Variants in LAMC3 observed in about 807,000 individuals in gnomAD.
The protein encoded by LAMC3 is laminin subunit gamma-3.
LAMC3 carries 128 observed loss-of-function variants against 173.8 expected under a neutral mutation model. The observed-to-expected ratio is 0.74, with a 90% CI of 0.64 to 0.85. LAMC3 has a LOEUF of 0.85. Among genes scored for constraint, LAMC3 ranks in the 40% least tolerant of loss-of-function variants. LAMC3 has a pLI of 0.00. For missense variants in LAMC3, 2,022 were observed against 2,156.0 expected, an observed-to-expected ratio of 0.94 and a Z score of 1.23; for synonymous variants, 897 against 909.1, an observed-to-expected ratio of 0.99 and a Z score of 0.24.
In LAMC3 at chr9:131,052,580, C is replaced by T. The variant is rs1030229080; in HGVS notation, c.1720C>T (p.Gln574Ter). ...CCCCGGGGACTCCCCACTCCCTGTA[C>T]AGCTGAGGCTGGAAGGGACAGGCTT... ...VPPGDSPLPVQLRLEGTGLAL... is the reference protein window; with the variant it reads ...VPPGDSPLPV Residue 574 changes from glutamine to a stop codon, truncating the protein, a stop_gained, in exon 10 of 28, where the codon CAG (glutamine) becomes TAG (stop). Coordinates refer to ENST00000361069, the MANE Select transcript of LAMC3 (RefSeq NM_006059.4). LOFTEE classifies it high-confidence loss of function. 26 of 1,613,928 alleles carry T rather than the reference C, an allele frequency of 1.6e-5. No homozygotes were observed. Among genetic ancestry groups the T allele is most frequent in the Non-Finnish European group, 2.2e-5 (26 of 1,179,906 alleles).
intron 1 of LAMC3, among the ~76,000 whole-genome samples, chr9:131,024,124 GT>G (rs1170233736): frequency 7.4e-6 from 1 of 135,398 alleles, no homozygotes; most frequent in African/African-American, 2.8e-5. Context: ...TTACTCCTCT[GT>G]TTTCTTCTAA....
At chr9:131,078,696 T>C (rs2133338600) in intron 22 of LAMC3, among the ~76,000 whole-genome samples, 1 of 152,280 alleles carries the variant, frequency 6.6e-6, no homozygotes. Context: ...ACCTGCACAG[T>C]TCTCCTATAA....
intron 14 of LAMC3, 143 bp downstream of exon 14, chr9:131,067,348 ACTTC>A: frequency 9.9e-7 from 1 of 1,010,482 alleles, no homozygotes; most frequent in Non-Finnish European, 1.5e-6. Context: ...CAGGCAGGTC[ACTTC>A]CCTTCCTGTC....
At chr9:131,085,391 G>A (rs1303641584) in intron 24 of LAMC3, 133 bp from the exon 25 acceptor site, 11 of 844,436 alleles carry the variant, frequency 1.3e-5, no homozygotes, top group East Asian at 1.0e-4. Context: ...CGATATGCAC[G>A]TTGCATGCAC....
intron 20 of LAMC3, among the ~76,000 whole-genome samples, chr9:131,075,096 C>T (rs1209073978): frequency 2.0e-5 from 3 of 151,734 alleles, no homozygotes; most frequent in Admixed American, 6.6e-5. Flanking sequence ...AAACCCCCAT[C>T]GCTACAAAAA....
intron 2 of LAMC3, among the ~76,000 whole-genome samples, chr9:131,027,589 C>CATATTTTATTATTA (rs1202973260): frequency 6.6e-6 from 1 of 151,734 alleles, no homozygotes; most frequent in Non-Finnish European, 1.5e-5. Flanking sequence ...AACTGGATTT[C>CATATTTTATTATTA]ATATTTTATT....
intron 1 of LAMC3, among the ~76,000 whole-genome samples, chr9:131,024,803 C>T (rs548570655): frequency 3.9e-5 from 6 of 152,248 alleles, no homozygotes; most frequent in Non-Finnish European, 5.9e-5. Context: ...CCGGTGCCGA[C>T]GGTGAGGAGC....
intron 24 of LAMC3, among the ~76,000 whole-genome samples, chr9:131,084,938 CAAAA>C (rs35487130): frequency 1.4e-4 from 17 of 123,674 alleles, no homozygotes; most frequent in Admixed American, 1.7e-4. Flanking sequence ...GACCTTGTCT[CAAAA>C]AAAAAAAAAA....
intron 23 of LAMC3, among the ~76,000 whole-genome samples, chr9:131,079,885 A>G (rs1035948116): frequency 1.3e-5 from 2 of 152,158 alleles, no homozygotes; most frequent in Admixed American, 6.5e-5. Context: ...TCATGCCTCC[A>G]TTCATTAGTT....
intron 1 of LAMC3, among the ~76,000 whole-genome samples, chr9:131,017,459 T>C (rs1833543575): frequency 1.3e-5 from 2 of 152,082 alleles, no homozygotes; most frequent in Non-Finnish European, 2.9e-5. Context: ...GGTGCGGTCC[T>C]TACGCCTGTA....
Position 131,092,190 on chromosome 9 carries a change from C to T in LAMC3, c.*403C>T. The T allele has an allele frequency of 3.9e-6, 1 of 254,076 alleles. No homozygotes were observed. Among genetic ancestry groups the T allele is most frequent in the Non-Finnish European group, 7.8e-6 (1 of 129,014 alleles). 15.7% of individuals were successfully genotyped at this position (254,076 alleles called of 1,614,324 possible). A position where few individuals can be genotyped will look rare whatever the true frequency, so the allele number is the denominator to read the frequency against. On this transcript the variant is annotated 3_prime_UTR_variant, in exon 28 of 28. Coordinates refer to ENST00000361069, the MANE Select transcript of LAMC3 (RefSeq NM_006059.4). ...GAGAGCCACCTGTGTGCTGGACACC[C>T]TCTGGATGTTGGGCAAGTTGTTACA...
intron 23 of LAMC3, among the ~76,000 whole-genome samples, chr9:131,081,541 G>A (rs912185416): frequency 2.8e-5 from 4 of 142,624 alleles, no homozygotes; most frequent in South Asian, 2.2e-4. Context: ...CTTGATCTCC[G>A]CTCACTATAA....
chr9:131,057,815 C>A (rs547670356), intron 12 of LAMC3, among the ~76,000 whole-genome samples: 46 of 152,340 alleles, frequency 3.0e-4, no homozygotes, highest in African/African-American at 1.1e-3. Context: ...ACTGGGAATG[C>A]CTTAGGGAAG....
chr9:131,077,058 C>T (rs945544096), intron 21 of LAMC3, 129 bp from the exon 22 acceptor site: 1 of 1,252,606 alleles, frequency 8.0e-7, no homozygotes, highest in African/African-American at 1.5e-5. Flanking sequence ...TGTACCTACC[C>T]CGCAGAGGGC....
intron 11 of LAMC3, among the ~76,000 whole-genome samples, chr9:131,054,144 T>C (rs1236724401): frequency 6.6e-6 from 1 of 151,938 alleles, no homozygotes; most frequent in East Asian, 1.9e-4. Flanking sequence ...ATGTGGGGAG[T>C]TTCTGGGAAT....
At chr9:131,084,759 T>C (rs1450774226) in intron 24 of LAMC3, among the ~76,000 whole-genome samples, 1 of 150,994 alleles carries the variant, frequency 6.6e-6, no homozygotes, top group Non-Finnish European at 1.5e-5. Flanking sequence ...ACCAGCCGTG[T>C]ATGGTGGTGT....
At chr9:131,061,685 C>T (rs1027277994) in intron 13 of LAMC3, among the ~76,000 whole-genome samples, 2 of 152,172 alleles carry the variant, frequency 1.3e-5, no homozygotes, top group Non-Finnish European at 2.9e-5. Flanking sequence ...CAGACATCCT[C>T]GACTCTGATT....
At position 131,009,911 on chromosome 9, in the gene LAMC3, T is replaced by TG. The variant is rs1046263181; in HGVS notation, c.373+327dup. The stretch of plus-strand genomic sequence containing the variant: ...GCTGACGTCTGTAATCCCAGCACTT[T>TG]GGGAGGCCGAGGCGGGCGGATCACC... On this transcript the variant is annotated intron_variant, in intron 1 of 27. Transcript: ENST00000361069. This position sits in a 1 kb window ranked among gnomAD's most constrained non-coding sequence, Gnocchi z 4.3. Among the ~76,000 whole-genome samples, 3 of 151,326 alleles carry TG rather than the reference T, an allele frequency of 2.0e-5. No homozygotes were observed. The highest frequency in any genetic ancestry group is 4.4e-5 in the Non-Finnish European group (3 of 67,870).
At position 131,052,780 on chromosome 9, in the gene LAMC3, C is replaced by T; in HGVS notation, c.1824-70C>T. The T allele has an allele frequency of 1.1e-5, 14 of 1,313,552 alleles. No individual in the cohort carries two copies. In the South Asian group the frequency reaches 1.7e-4, roughly 16 times the overall value. The allele number at this position is 1,313,552 out of a possible 1,614,324, so 81.4% of individuals were successfully genotyped here. Reference sequence around the variant, plus strand: ...GATGCCCCTGTAGTCTGGGGGGCTACCCCCCATCCCCAGGCATGGTACCCC... The same window carrying T: ...GATGCCCCTGTAGTCTGGGGGGCTATCCCCCATCCCCAGGCATGGTACCCC... On this transcript the variant is annotated intron_variant, in intron 10 of 27. Coordinates refer to ENST00000361069, the MANE Select transcript of LAMC3 (RefSeq NM_006059.4).
Sources: allele counts gnomAD v4.1 joint callset (sites outside exome capture counted in the v4.1 genomes callset), GRCh38; gene constraint gnomAD v4.1.1; non-coding constraint Gnocchi (gnomAD v3.1); transcripts MANE v1.5; gene names NCBI Gene and HGNC (gene_info 2026-07-23, HGNC 2026-07-21).